The following SCN3A variants were observed in gnomAD, a reference collection of about 807,000 sequenced individuals.
SCN3A encodes sodium channel protein type 3 subunit alpha.
In SCN3A, 60 loss-of-function variants were observed where a neutral mutation model predicts 187.6. The observed-to-expected ratio is 0.32, with a 90% CI of 0.26 to 0.40. SCN3A has a LOEUF of 0.40. Ranked by LOEUF, SCN3A falls within the 10% of genes least tolerant of loss-of-function variation. The probability of loss-of-function intolerance (pLI) is 1.00; values close to 1 mark genes in which losing one functional copy is unlikely to be tolerated. For missense variants in SCN3A, 1,601 were observed against 2,428.2 expected (o/e 0.66, Z 7.16); for synonymous variants, 788 against 829.2 (o/e 0.95, Z 0.85).
chr2:165,139,869 G>A (rs1687899221), intron 13 of SCN3A, among the ~76,000 whole-genome samples: 1 of 151,964 alleles, frequency 6.6e-6, no homozygotes, highest in African/African-American at 2.4e-5. Flanking sequence ...TAATTAACCT[G>A]TCACAATTTT....
Position 165,162,660 on chromosome 2 carries a change from T to C in SCN3A, c.863A>G (p.Glu288Gly), listed in dbSNP as rs746569526. 3.1e-6 allele frequency: 5 copies of C among 1,614,188 alleles called. No individual in the cohort carries two copies. Among genetic ancestry groups the C allele is most frequent in the Non-Finnish European group, 4.2e-6 (5 of 1,180,024 alleles). ...ATTAAAGTAGGAAGTGGTGTTGGTT[T>C]CAAAAGCAGAATCGCTTGGGGGCCA... ...LQWPPSDSAFETNTTSYFNGT... is the reference protein window; with the variant it reads ...LQWPPSDSAFGTNTTSYFNGT... Residue 288 changes from glutamate to glycine, a missense_variant, in exon 8 of 28, where the codon GAA becomes GGA. By Grantham distance (98) the Glu-to-Gly change is moderately conservative. This residue lies in a region of SCN3A where 104 missense variants were observed against 102.7 expected (regional missense o/e 1.01). Transcript: ENST00000283254.
Position 165,170,507 on chromosome 2 carries a change from G to A in SCN3A, c.306C>T (p.Phe102=). ...AAATATACAAGGCAGAGGTGGCACTGAATCGGAAAATTGCCTTTCCTTTAT... is the reference window on the plus strand; with the variant it reads ...AAATATACAAGGCAGAGGTGGCACTAAATCGGAAAATTGCCTTTCCTTTAT... ...VMNKGKAIFR[F]SATSALYILT... Residue 102 remains phenylalanine, a synonymous_variant, in exon 4 of 28, where the codon TTC becomes TTT. Transcript: ENST00000283254. 1 of 1,611,290 alleles carries A rather than the reference G, an allele frequency of 6.2e-7. No homozygotes were observed. Among genetic ancestry groups the A allele is most frequent in the Non-Finnish European group, 8.5e-7 (1 of 1,178,092 alleles).
rs201833165 is a variant in SCN3A at position 165,138,110 on chromosome 2, T to G, written c.2160A>C (p.Glu720Asp). 3.6e-5 allele frequency: 58 copies of G among 1,611,780 alleles called. No homozygotes were observed. The highest frequency in any genetic ancestry group is 4.2e-6 in the Non-Finnish European group (5 of 1,178,126). The change falls in exon 15 of 28, where the codon GAA (glutamate) becomes GAC (aspartate). Residue 720 changes from glutamate (E) to aspartate (D), a missense_variant. By Grantham distance (45) the Glu-to-Asp change is conservative. Transcript: ENST00000283254. ...ATGGCGGACATTTCTGTCTAGATTCTTCAAGTTCTGGAGGGACAATAACAA... is the reference window on the plus strand; with the variant it reads ...ATGGCGGACATTTCTGTCTAGATTCGTCAAGTTCTGGAGGGACAATAACAA... Reference protein sequence around the residue: ...SILTNTMEELEESRQKCPPCW... With the variant: ...SILTNTMEELDESRQKCPPCW...
chr2:165,095,765 T>TA (rs1685336845), intron 24 of SCN3A, 117 bp from the exon 25 acceptor site: 2 of 584,646 alleles, frequency 3.4e-6, no homozygotes, highest in East Asian at 5.9e-5. Flanking sequence ...TACCCTGAGA[T>TA]ATTGTTCTAC....
intron 11 of SCN3A, among the ~76,000 whole-genome samples, chr2:165,153,272 CAT>C (rs1688803751): frequency 6.6e-6 from 1 of 152,038 alleles, no homozygotes; most frequent in African/African-American, 2.4e-5. Context: ...ACATATCACT[CAT>C]ATGTTATACA....
chr2:165,176,142 T>C lies in SCN3A; in HGVS notation c.253A>G (p.Ile85Val), dbSNP rs1690440116. The C allele has an allele frequency of 6.2e-6, 10 of 1,613,460 alleles. No homozygotes were observed. The highest frequency in any genetic ancestry group is 8.5e-6 in the Non-Finnish European group (10 of 1,179,462). Reference sequence around the variant, plus strand: ...AAATCAATACTCACTTTCTTATTGATATAGTAGGGATCCAGGTCCTCCAGG... The same window carrying C: ...AAATCAATACTCACTTTCTTATTGACATAGTAGGGATCCAGGTCCTCCAGG... ...EPLEDLDPYY[I>V]NKKTFIVMNK... Residue 85 changes from isoleucine (I) to valine (V), a missense_variant, in exon 3 of 28, where the codon ATC (isoleucine) becomes GTC (valine). By Grantham distance (29) the Ile-to-Val change is conservative (BLOSUM62 3). Transcript: ENST00000283254.
At chr2:165,096,571 A>T (rs759630658) in intron 23 of SCN3A, 51 bp from the exon 24 acceptor site, 1 of 1,301,104 alleles carries the variant, frequency 7.7e-7, no homozygotes, top group Non-Finnish European at 1.1e-6. Context: ...CCTAACAATG[A>T]CATTTAACCA....
chr2:165,131,555 T>C (rs535000014), intron 15 of SCN3A, 138 bp from the exon 16 acceptor site: 33 of 443,764 alleles, frequency 7.4e-5, no homozygotes, highest in African/African-American at 6.6e-4. Context: ...ATTCAAGTCT[T>C]AGTTTTTTTA....
chr2:165,104,590 T>A (rs1055947433), intron 21 of SCN3A, among the ~76,000 whole-genome samples: 1 of 148,386 alleles, frequency 6.7e-6, no homozygotes, highest in African/African-American at 2.5e-5. Flanking sequence ...AGTCTTGAAA[T>A]GGGTCTTCAT....
intron 18 of SCN3A, among the ~76,000 whole-genome samples, chr2:165,118,423 A>T (rs1396405675): frequency 6.6e-6 from 1 of 152,188 alleles, no homozygotes; most frequent in African/African-American, 2.4e-5. Flanking sequence ...AATCTTGGCA[A>T]AGCTTTTGCA....
intron 20 of SCN3A, 97 bp from the exon 21 acceptor site, chr2:165,113,155 T>C: frequency 1.2e-6 from 1 of 861,350 alleles, no homozygotes; most frequent in Non-Finnish European, 1.9e-6. Context: ...AAACAATAAT[T>C]TGATTATTGA....
intron 24 of SCN3A, 118 bp downstream of exon 24, chr2:165,096,349 T>C (rs1007433314): frequency 6.5e-5 from 50 of 763,556 alleles, no homozygotes; most frequent in Non-Finnish European, 1.1e-4. Context: ...CTGTTCATTT[T>C]TTATATGCAA....
intron 2 of SCN3A, among the ~76,000 whole-genome samples, chr2:165,177,006 C>A (rs1690511527): frequency 6.6e-6 from 1 of 152,154 alleles, no homozygotes; most frequent in African/African-American, 2.4e-5. Flanking sequence ...AACCACTGTT[C>A]TCGTTGTCAG....
intron 22 of SCN3A, among the ~76,000 whole-genome samples, chr2:165,100,021 G>T (rs774321051): frequency 6.6e-6 from 1 of 152,132 alleles, no homozygotes; most frequent in Non-Finnish European, 1.5e-5. Context: ...GCAATGAAAA[G>T]AAACAACTGG....
intron 1 of SCN3A, among the ~76,000 whole-genome samples, chr2:165,198,281 G>A (rs563796963): frequency 1.1e-4 from 17 of 152,108 alleles, no homozygotes; most frequent in African/African-American, 3.6e-4. Flanking sequence ...TAGATTCAAG[G>A]ATTTGAAATG....
At chr2:165,190,496 A>ATATATATATAACTTTATATATATAACTT (rs1003153803) in intron 1 of SCN3A, among the ~76,000 whole-genome samples, 3 of 147,798 alleles carry the variant, frequency 2.0e-5, no homozygotes, top group African/African-American at 7.4e-5. Flanking sequence ...GCACAAAGAT[A>ATATATATATAACTTTATATATATAACTT]TATATATATA....
chr2:165,163,168 T>C (rs781194279), intron 7 of SCN3A, among the ~76,000 whole-genome samples: 18 of 152,266 alleles, frequency 1.2e-4, no homozygotes, highest in African/African-American at 4.1e-4. Flanking sequence ...TTCTTTACTC[T>C]AGCCTCCAAG....
rs1692474718 is a variant in SCN3A, at chr2:165,203,946, A to G, written c.-371T>C. On this transcript the variant is annotated 5_prime_UTR_variant, in exon 1 of 28. Transcript: ENST00000283254. The stretch of plus-strand genomic sequence containing the variant: ...TTTTTTTTTTTTTTTTTGACCACAG[A>G]GGTTTACAAATTAGTTACAATTTTT... 1 of 126,082 alleles carries G rather than the reference A, an allele frequency of 7.9e-6. No homozygotes were observed. The highest frequency in any genetic ancestry group is 3.0e-5 in the African/African-American group (1 of 32,798). 7.8% of individuals were successfully genotyped at this position (126,082 alleles called of 1,614,324 possible). A position where few individuals can be genotyped will look rare whatever the true frequency, so the allele number is the denominator to read the frequency against.
intron 19 of SCN3A, among the ~76,000 whole-genome samples, chr2:165,115,236 ATT>A (rs35605491): frequency 6.9e-6 from 1 of 145,590 alleles, no homozygotes. Flanking sequence ...TTCTTTCTTT[ATT>A]TTTTTTTTTG....
Sources: gnomAD v4.1 joint callset for allele counts (sites outside exome capture counted in the v4.1 genomes callset) on GRCh38, gnomAD v4.1.1 for gene constraint, gnomAD v4.1.1 regional missense constraint, MANE v1.5 for transcripts, NCBI Gene and HGNC (gene_info 2026-07-23, HGNC 2026-07-21) for gene names.